Variants in IGFL4 observed in about 807,000 individuals in gnomAD.
IGFL4 encodes the protein IGF like family member 4.
IGFL4 carries 12 observed loss-of-function variants against 15.4 expected under a neutral mutation model. The ratio of observed to expected loss-of-function variants is 0.78; its 90% CI spans 0.50 to 1.26. The LOEUF is 1.26. IGFL4 is among the 50% of genes most tolerant of loss of function. IGFL4 has a pLI of 0.00. For missense variants in IGFL4, 126 were observed against 147.8 expected (o/e 0.85, Z 0.76); for synonymous variants, 54 against 55.9 (o/e 0.97, Z 0.16).
chr19:46,074,897 A>G (rs1412893296), intron 1 of IGFL4, among the ~76,000 whole-genome samples: 1 of 152,190 alleles, frequency 6.6e-6, no homozygotes, highest in Non-Finnish European at 1.5e-5. Flanking sequence ...GTATTCCAAG[A>G]AGCTGATGAA....
chr19:46,045,240 A>C (rs369696544), upstream of IGFL4, among the ~76,000 whole-genome samples: 5 of 152,138 alleles, frequency 3.3e-5, no homozygotes, highest in African/African-American at 1.2e-4. Context: ...GTCAGGAGTT[A>C]GAGACCAGCC....
At chr19:46,072,239 C>G (rs80286533) in intron 1 of IGFL4, among the ~76,000 whole-genome samples, 3,143 of 152,288 alleles carry the variant, frequency 0.021, 42 homozygotes, top group Middle Eastern at 0.051. Context: ...TGCCTGGGGA[C>G]AGTTTCCCAA....
intron 1 of IGFL4, among the ~76,000 whole-genome samples, chr19:46,076,064 C>T (rs956970397): frequency 1.8e-4 from 28 of 152,280 alleles, no homozygotes; most frequent in African/African-American, 5.8e-4. Flanking sequence ...TTGGTGAGGG[C>T]TGCTCTCTGC....
Position 46,039,829 on chromosome 19 carries a change from T to G in IGFL4, c.*63A>C. Reference sequence around the variant, plus strand: ...TCTGTCACAACAACAACAAAATCAATGCAGTATAATTACCAAGTATTAGAT... The same window carrying G: ...TCTGTCACAACAACAACAAAATCAAGGCAGTATAATTACCAAGTATTAGAT... On this transcript the variant is annotated 3_prime_UTR_variant, in exon 4 of 4. Coordinates refer to ENST00000377697, the MANE Select transcript of IGFL4 (RefSeq NM_001002923.3). The G allele has an allele frequency of 7.4e-7, 1 of 1,356,706 alleles. No homozygotes were observed. Among genetic ancestry groups the G allele is most frequent in the South Asian group, 1.2e-5 (1 of 85,942 alleles). 84.0% of individuals were successfully genotyped at this position (1,356,706 alleles called of 1,614,324 possible). A position where few individuals can be genotyped will look rare whatever the true frequency, so the allele number is the denominator to read the frequency against.
intron 1 of IGFL4, among the ~76,000 whole-genome samples, chr19:46,065,597 G>A (rs115782502): frequency 0.018 from 2,715 of 152,338 alleles, 97 homozygotes; most frequent in African/African-American, 0.062. Context: ...CTGAGCCACC[G>A]CGCCTGGCTG....
intron 1 of IGFL4, among the ~76,000 whole-genome samples, chr19:46,062,163 A>G (rs913086994): frequency 6.6e-6 from 1 of 152,140 alleles, no homozygotes; most frequent in Non-Finnish European, 1.5e-5. Flanking sequence ...AATCCTTTAA[A>G]ATTTCTTATT....
chr19:46,071,432 G>A (rs1362936538), intron 1 of IGFL4, among the ~76,000 whole-genome samples: 3 of 152,140 alleles, frequency 2.0e-5, no homozygotes, highest in Admixed American at 1.3e-4. Flanking sequence ...TCCCATCCAG[G>A]GATCTGGAGA....
intron 1 of IGFL4, among the ~76,000 whole-genome samples, chr19:46,073,500 G>A (rs1969565809): frequency 6.6e-6 from 1 of 152,178 alleles, no homozygotes; most frequent in East Asian, 1.9e-4. Flanking sequence ...AAGATAACCA[G>A]CCAGGTGCTG....
chr19:46,041,976 C>T (rs1005347744), upstream of IGFL4, among the ~76,000 whole-genome samples: 11 of 151,682 alleles, frequency 7.3e-5, no homozygotes, highest in South Asian at 2.1e-4. Context: ...GTAGCTGGGA[C>T]TACAGGCAGG....
At chr19:46,052,028 G>A (rs11083795) in intron 2 of IGFL4, among the ~76,000 whole-genome samples, 80,188 of 151,988 alleles carry the variant, frequency 0.53, 21,593 homozygotes, top group Non-Finnish European at 0.56. Flanking sequence ...CAGCAACACA[G>A]TAATAGTGCA....
In IGFL4 at chr19:46,047,242, G is replaced by C. The variant is rs547055087; in HGVS notation, c.-322-6132C>G. 2.2e-4 allele frequency among the ~76,000 whole-genome samples: 34 copies of C among 152,266 alleles called. 1 individual carries two copies. The South Asian group carries it at 3.5e-3, about 16-fold the overall frequency. ...AATGTACCCGATTCTCTGGGACACA[G>C]CTCAAGTGGTGTTAAGAGGGAAATT... On this transcript the variant is annotated intron_variant, in intron 2 of 5. Transcript: ENST00000601672.
At chr19:46,074,085 T>C (rs1969571936) in intron 1 of IGFL4, among the ~76,000 whole-genome samples, 1 of 152,044 alleles carries the variant, frequency 6.6e-6, no homozygotes, top group African/African-American at 2.4e-5. Flanking sequence ...CCTGGAGGAT[T>C]TGCTTCCAGA....
At chr19:46,065,420 C>G (rs1470994942) in intron 1 of IGFL4, among the ~76,000 whole-genome samples, 1 of 152,194 alleles carries the variant, frequency 6.6e-6, no homozygotes, top group Non-Finnish European at 1.5e-5. Context: ...GTCCTGTGTT[C>G]AAGTGATTCT....
chr19:46,072,827 G>A (rs184262124), intron 1 of IGFL4, among the ~76,000 whole-genome samples: 536 of 152,226 alleles, frequency 3.5e-3, no homozygotes, highest in Non-Finnish European at 4.8e-3. Context: ...GAAAATGTTG[G>A]CTTGGTGTGT....
At chr19:46,044,289 G>A (rs1042979046), upstream of IGFL4, among the ~76,000 whole-genome samples, 1 of 152,216 alleles carries the variant, frequency 6.6e-6, no homozygotes, top group Admixed American at 6.5e-5. Flanking sequence ...CAGAGACCCA[G>A]GAGTTTTACG....
chr19:46,048,513 A>G (rs1969317530), intron 2 of IGFL4, among the ~76,000 whole-genome samples: 1 of 152,142 alleles, frequency 6.6e-6, no homozygotes, highest in African/African-American at 2.4e-5. Context: ...CTATATCTAG[A>G]AAAACCTCAT....
intron 2 of IGFL4, chr19:46,057,854 A>G (rs899622450): frequency 3.3e-5 from 5 of 152,142 alleles, no homozygotes; most frequent in Non-Finnish European, 5.9e-5. Context: ...TTTATTCACT[A>G]CCATGAGAAC....
At chr19:46,064,925 C>T (rs1196731146) in intron 1 of IGFL4, among the ~76,000 whole-genome samples, 2 of 152,158 alleles carry the variant, frequency 1.3e-5, no homozygotes, top group East Asian at 3.8e-4. Context: ...TGAGGGTTCC[C>T]TTTTCTCCAC....
intron 1 of IGFL4, among the ~76,000 whole-genome samples, chr19:46,074,286 CAT>C (rs60167445): frequency 4.9e-4 from 73 of 149,970 alleles, no homozygotes; most frequent in African/African-American, 1.7e-3. Context: ...TATATATATA[CAT>C]ATATATATAT....
Sources: gnomAD v4.1 joint callset for allele counts (sites outside exome capture counted in the v4.1 genomes callset) on GRCh38, gnomAD v4.1.1 for gene constraint, MANE v1.5 for transcripts, NCBI Gene and HGNC (gene_info 2026-07-23, HGNC 2026-07-21) for gene names.